CCDC171: variants seen among roughly 807,000 people sequenced by gnomAD.
The protein encoded by CCDC171 is coiled-coil domain containing 171.
CCDC171 carries 177 observed loss-of-function variants against 168.2 expected under a neutral mutation model. That is an observed-to-expected ratio of 1.05 (90% confidence interval 0.93 to 1.19). The LOEUF (loss-of-function observed/expected upper bound fraction) is 1.19, where lower values mean the gene tolerates loss of function less well. CCDC171 is among the 50% of genes most tolerant of loss of function. The pLI, the probability that CCDC171 is intolerant of heterozygous loss-of-function variation, is 0.00. For synonymous variants in CCDC171, 687 were observed against 540.8 expected (o/e 1.27, Z -3.75); for missense variants, 1,991 against 1,539.0 (o/e 1.29, Z -4.91).
At chr9:15,744,212 G>A (rs2055093383) in intron 16 of CCDC171, 61 bp from the exon 17 acceptor site, 1 of 1,362,632 alleles carries the variant, frequency 7.3e-7, no homozygotes, top group Non-Finnish European at 9.8e-7. Flanking sequence ...TTGAGTAAAG[G>A]GAAATTAATA....
chr9:15,962,646 T>A (rs1475899315), intron 25 of CCDC171, among the ~76,000 whole-genome samples: 1 of 152,172 alleles, frequency 6.6e-6, no homozygotes, highest in East Asian at 1.9e-4. Flanking sequence ...TACTTAGCTG[T>A]ATTTTTGCTT....
intron 11 of CCDC171, among the ~76,000 whole-genome samples, chr9:15,699,274 C>T (rs983999503): frequency 6.6e-6 from 1 of 151,954 alleles, no homozygotes; most frequent in African/African-American, 2.4e-5. Flanking sequence ...CCGGTGGGCT[C>T]GTGGGCTCGC....
At chr9:15,568,491 C>T (rs907099811) in intron 2 of CCDC171, among the ~76,000 whole-genome samples, 2 of 152,124 alleles carry the variant, frequency 1.3e-5, no homozygotes, top group African/African-American at 2.4e-5. Context: ...AGGATGGTCT[C>T]GATCTCCTGA....
intron 11 of CCDC171, among the ~76,000 whole-genome samples, chr9:15,701,643 G>A (rs886285535): frequency 3.4e-5 from 5 of 146,366 alleles, no homozygotes; most frequent in African/African-American, 1.3e-4. Context: ...GCAGTGGCAC[G>A]ATCTTGGCTC....
At position 15,616,656 on chromosome 9, in the gene CCDC171, A is replaced by G. The variant is rs553654571; in HGVS notation, c.676-6611A>G. On this transcript the variant is annotated intron_variant, in intron 6 of 25. Transcript: ENST00000380701. Reference sequence around the variant, plus strand: ...ATGTATTTGTAATTTAAGAAGGCATATAATTTAACAGTGACTGAATTAATA... The same window carrying G: ...ATGTATTTGTAATTTAAGAAGGCATGTAATTTAACAGTGACTGAATTAATA... Among the ~76,000 whole-genome samples, 3 of 152,304 alleles carry G rather than the reference A, an allele frequency of 2.0e-5. No individual in the cohort carries two copies. In the South Asian group the frequency reaches 6.2e-4, roughly 32 times the overall value.
intron 3 of CCDC171, among the ~76,000 whole-genome samples, chr9:15,993,521 G>A (rs1564107523): frequency 6.6e-6 from 1 of 152,154 alleles, no homozygotes; most frequent in Non-Finnish European, 1.5e-5. Flanking sequence ...TACCATTCAG[G>A]ACATAGGCAT....
At chr9:15,831,456 G>A (rs2060230665) in intron 21 of CCDC171, among the ~76,000 whole-genome samples, 1 of 152,140 alleles carries the variant, frequency 6.6e-6, no homozygotes, top group South Asian at 2.1e-4. Context: ...TTCTATTAAT[G>A]TATGAAACCT....
At chr9:15,625,077 C>T (rs1166534402) in intron 7 of CCDC171, among the ~76,000 whole-genome samples, 1 of 152,168 alleles carries the variant, frequency 6.6e-6, no homozygotes, top group Non-Finnish European at 1.5e-5. Context: ...TGATGATGAG[C>T]ATTTTTTCAT....
intron 9 of CCDC171, among the ~76,000 whole-genome samples, chr9:15,674,078 G>A (rs2049331395): frequency 6.6e-6 from 1 of 152,136 alleles, no homozygotes; most frequent in African/African-American, 2.4e-5. Context: ...TTAGTCTTGG[G>A]AGGGTGTATG....
chr9:16,032,138 T>G (rs942859168), intron 6 of CCDC171, among the ~76,000 whole-genome samples: 8 of 152,282 alleles, frequency 5.3e-5, no homozygotes, highest in Non-Finnish European at 1.0e-4. Context: ...ATTTGCTTTC[T>G]GTGAGGGAGG....
intron 21 of CCDC171, among the ~76,000 whole-genome samples, chr9:15,804,659 C>T (rs934215777): frequency 6.6e-6 from 1 of 151,964 alleles, no homozygotes; most frequent in Non-Finnish European, 1.5e-5. Flanking sequence ...AGGATTTTTG[C>T]ATTGATGTTC....
At chr9:15,961,224 G>A (rs752460811) in intron 25 of CCDC171, among the ~76,000 whole-genome samples, 2 of 151,992 alleles carry the variant, frequency 1.3e-5, no homozygotes, top group Non-Finnish European at 2.9e-5. Flanking sequence ...ATATTGCTAC[G>A]AGGTCTAAGT....
At chr9:15,823,013 T>C (rs1472706082) in intron 21 of CCDC171, among the ~76,000 whole-genome samples, 1 of 151,924 alleles carries the variant, frequency 6.6e-6, no homozygotes, top group African/African-American at 2.4e-5. Context: ...CCATAAAAAA[T>C]GGTGAGTTCA....
At chr9:15,783,887 T>A (rs2057799061) in intron 20 of CCDC171, among the ~76,000 whole-genome samples, 1 of 152,198 alleles carries the variant, frequency 6.6e-6, no homozygotes, top group Non-Finnish European at 1.5e-5. Context: ...CAGGCACTCT[T>A]CTCTATGTTG....
chr9:15,867,480 A>G (rs1186051253), intron 23 of CCDC171, among the ~76,000 whole-genome samples: 1 of 151,958 alleles, frequency 6.6e-6, no homozygotes, highest in Admixed American at 6.6e-5. Context: ...TTTGAACTCT[A>G]TTCTCAGTTT....
At chr9:15,629,117 A>T (rs1360822914) in intron 7 of CCDC171, among the ~76,000 whole-genome samples, 1 of 152,194 alleles carries the variant, frequency 6.6e-6, no homozygotes, top group African/African-American at 2.4e-5. Context: ...TCTAAAAAGC[A>T]GAGCGCCTCT....
intron 8 of CCDC171, among the ~76,000 whole-genome samples, chr9:15,664,689 GT>G (rs1327362793): frequency 7.5e-6 from 1 of 133,012 alleles, no homozygotes; most frequent in South Asian, 2.3e-4. Context: ...AGGGAATATA[GT>G]TTTGTTTTTT....
At chr9:15,793,298 A>G (rs2058368477) in intron 21 of CCDC171, among the ~76,000 whole-genome samples, 1 of 152,006 alleles carries the variant, frequency 6.6e-6, no homozygotes, top group Non-Finnish European at 1.5e-5. Context: ...TATGCACCCA[A>G]TACAGGAGCA....
chr9:15,848,351 C>G (rs2130774072), intron 22 of CCDC171, among the ~76,000 whole-genome samples: 1 of 151,856 alleles, frequency 6.6e-6, no homozygotes, highest in Non-Finnish European at 1.5e-5. Context: ...ATATACTAGG[C>G]TGATAGGAGA....
Sources: allele counts gnomAD v4.1 joint callset (sites outside exome capture counted in the v4.1 genomes callset), GRCh38; gene constraint gnomAD v4.1.1; transcripts MANE v1.5; gene names NCBI Gene and HGNC (gene_info 2026-07-23, HGNC 2026-07-21).